The following TAS2R1 variants were observed in gnomAD, a reference collection of about 807,000 sequenced individuals.
TAS2R1 encodes the protein taste receptor type 2 member 1.
For missense variants in TAS2R1, 370 were observed against 353.4 expected (o/e 1.05, Z -0.38); for synonymous variants, 141 against 134.2 (o/e 1.05, Z -0.35).
chr5:9,642,987 T>C (rs1249811592), intron 2 of TAS2R1, among the ~76,000 whole-genome samples: 2 of 151,748 alleles, frequency 1.3e-5, no homozygotes, highest in Non-Finnish European at 2.9e-5. Context: ...CCTTCTTTCC[T>C]CCCTCCTTCT....
At chr5:9,855,291 C>T in the TAS2R1 span, among the ~76,000 whole-genome samples, 58 of 152,276 alleles carry the variant, frequency 3.8e-4, 2 homozygotes, top group South Asian at 0.012. Context: ...TTTCTAGTCT[C>T]CCTGGCAACA....
intron 1 of TAS2R1, among the ~76,000 whole-genome samples, chr5:9,678,058 AT>A (rs1740911379): frequency 6.6e-6 from 1 of 152,182 alleles, no homozygotes; most frequent in African/African-American, 2.4e-5. Flanking sequence ...AATATACAGA[AT>A]TTACAAGGAA....
At chr5:9,689,483 G>A (rs1000583874) in intron 1 of TAS2R1, among the ~76,000 whole-genome samples, 1 of 152,054 alleles carries the variant, frequency 6.6e-6, no homozygotes, top group Admixed American at 6.6e-5. Context: ...AGCTATGGCC[G>A]CAGGGATTTA....
the TAS2R1 span, among the ~76,000 whole-genome samples, chr5:9,901,934 G>A: frequency 8.5e-5 from 13 of 152,128 alleles, no homozygotes; most frequent in South Asian, 2.1e-4. Flanking sequence ...ATCCTCCCAC[G>A]TCCAGCCTAG....
chr5:9,715,601 C>T (rs1039905728), upstream of TAS2R1, among the ~76,000 whole-genome samples: 2 of 152,212 alleles, frequency 1.3e-5, no homozygotes, highest in Non-Finnish European at 2.9e-5. Context: ...TTTCAACAGC[C>T]TCATGTACAG....
intron 1 of TAS2R1, among the ~76,000 whole-genome samples, chr5:9,687,908 G>A (rs891584068): frequency 2.0e-5 from 3 of 152,176 alleles, no homozygotes; most frequent in Non-Finnish European, 4.4e-5. Context: ...CACCCCATGA[G>A]GGGGTGAGTC....
chr5:9,776,136 T>A, the TAS2R1 span, among the ~76,000 whole-genome samples: 1 of 152,202 alleles, frequency 6.6e-6, no homozygotes, highest in African/African-American at 2.4e-5. Flanking sequence ...GGATAGGTGA[T>A]TCCCCTCTGG....
intron 1 of TAS2R1, among the ~76,000 whole-genome samples, chr5:9,681,531 C>CAA (rs10681888): frequency 0.022 from 1,944 of 87,844 alleles, 138 homozygotes; most frequent in Admixed American, 0.027. Flanking sequence ...CATGTTTCTG[C>CAA]AAAAAAAAAA....
At chr5:9,862,489 C>T in the TAS2R1 span, among the ~76,000 whole-genome samples, 1 of 152,138 alleles carries the variant, frequency 6.6e-6, no homozygotes, top group African/African-American at 2.4e-5. Context: ...TGTCCTGTCA[C>T]ATAATTCCCT....
At chr5:9,816,379 GT>G in the TAS2R1 span, among the ~76,000 whole-genome samples, 1 of 152,204 alleles carries the variant, frequency 6.6e-6, no homozygotes, top group Admixed American at 6.5e-5. Context: ...CAACAAGACA[GT>G]GAAGATTCGA....
chr5:9,885,470 T>C, the TAS2R1 span, among the ~76,000 whole-genome samples: 1 of 152,260 alleles, frequency 6.6e-6, no homozygotes, highest in Non-Finnish European at 1.5e-5. Flanking sequence ...CTAGCTATAA[T>C]AAACCATAAC....
the TAS2R1 span, among the ~76,000 whole-genome samples, chr5:9,735,459 G>C: frequency 6.6e-6 from 1 of 151,498 alleles, no homozygotes; most frequent in African/African-American, 2.4e-5. Context: ...ACGATGCTTT[G>C]TCAAATAAAA....
intron 1 of TAS2R1, among the ~76,000 whole-genome samples, chr5:9,705,522 C>A (rs978198771): frequency 1.2e-4 from 18 of 152,112 alleles, no homozygotes; most frequent in African/African-American, 4.1e-4. Context: ...GAGTCGCCAA[C>A]TTTGCTGGTG....
At chr5:9,723,873 G>A in the TAS2R1 span, among the ~76,000 whole-genome samples, 11 of 152,312 alleles carry the variant, frequency 7.2e-5, no homozygotes, top group South Asian at 2.1e-4. Flanking sequence ...AAGGAGTAGC[G>A]CTTGGACATT....
the TAS2R1 span, among the ~76,000 whole-genome samples, chr5:9,801,021 G>A: frequency 1.3e-5 from 2 of 152,066 alleles, no homozygotes; most frequent in Admixed American, 6.5e-5. Flanking sequence ...GTGAAACCCC[G>A]TCTCTACTAA....
the TAS2R1 span, among the ~76,000 whole-genome samples, chr5:9,802,891 A>G: frequency 6.6e-6 from 1 of 152,228 alleles, no homozygotes; most frequent in African/African-American, 2.4e-5. Flanking sequence ...CAACACAGCG[A>G]GACTCCGTCT....
the TAS2R1 span, among the ~76,000 whole-genome samples, chr5:9,833,368 G>A: frequency 6.6e-6 from 1 of 152,172 alleles, no homozygotes; most frequent in Admixed American, 6.5e-5. Context: ...TGATTTTGGG[G>A]TCCCAAGATG....
At chr5:9,844,632 T>C in the TAS2R1 span, among the ~76,000 whole-genome samples, 1 of 152,218 alleles carries the variant, frequency 6.6e-6, no homozygotes, top group Admixed American at 6.5e-5. Flanking sequence ...CCTCCTAGAC[T>C]ATAAGCTCCA....
the TAS2R1 span, among the ~76,000 whole-genome samples, chr5:9,840,849 ATTTATTTATTTTTTTTTT>A: frequency 0.05 from 628 of 12,446 alleles, 5 homozygotes; most frequent in Non-Finnish European, 0.063. Flanking sequence ...TTATTTATTT[ATTTATTTATTTTTTTTTT>A]TTTTTTTTTT....
Sources: allele counts gnomAD v4.1 joint callset (sites outside exome capture counted in the v4.1 genomes callset), GRCh38; gene constraint gnomAD v4.1.1; transcripts MANE v1.5; gene names NCBI Gene and HGNC (gene_info 2026-07-23, HGNC 2026-07-21).